The following SCN9A variants were observed in gnomAD, a reference collection of about 807,000 sequenced individuals.
SCN9A encodes the protein sodium channel protein type 9 subunit alpha.
In SCN9A, 131 loss-of-function variants were observed where a neutral mutation model predicts 187.0. The ratio of observed to expected loss-of-function variants is 0.70; its 90% CI spans 0.61 to 0.81. The LOEUF is 0.81. Among genes scored for constraint, SCN9A ranks in the 30% least tolerant of loss-of-function variants. The pLI, the probability that SCN9A is intolerant of heterozygous loss-of-function variation, is 0.00. For synonymous variants in SCN9A, 809 were observed against 808.6 expected, an observed-to-expected ratio of 1.00 and a Z score of -0.01; for missense variants, 2,252 against 2,396.6, an observed-to-expected ratio of 0.94 and a Z score of 1.26.
intron 18 of SCN9A, among the ~76,000 whole-genome samples, chr2:166,243,652 G>T (rs943515354): frequency 2.6e-5 from 4 of 151,896 alleles, no homozygotes; most frequent in African/African-American, 9.7e-5. Flanking sequence ...GATGCAAGCA[G>T]AATGTACACA....
intron 7 of SCN9A, among the ~76,000 whole-genome samples, chr2:166,296,659 C>A (rs1485926386): frequency 6.6e-6 from 1 of 152,142 alleles, no homozygotes. Context: ...TCTATTAGCA[C>A]ACTGCTATAC....
At chr2:166,231,548 C>CT (rs57067738) in intron 21 of SCN9A, among the ~76,000 whole-genome samples, 77,858 of 98,950 alleles carry the variant, frequency 0.79, 31,472 homozygotes, top group Middle Eastern at 0.86. Flanking sequence ...CAAGAATTTG[C>CT]TTTTTTTTTT....
chr2:166,332,347 A>G (rs913811132), intron 1 of SCN9A, among the ~76,000 whole-genome samples: 3 of 152,120 alleles, frequency 2.0e-5, no homozygotes, highest in Non-Finnish European at 4.4e-5. Context: ...ACAACTTCCA[A>G]TAAATCTCCA....
chr2:166,218,556 G>A (rs1251093227), intron 24 of SCN9A, among the ~76,000 whole-genome samples: 1 of 151,760 alleles, frequency 6.6e-6, no homozygotes, highest in Non-Finnish European at 1.5e-5. Flanking sequence ...ATTTAGAGTA[G>A]AGGAATAAAT....
chr2:166,232,748 TATATAGAG>T (rs760145779), intron 21 of SCN9A, among the ~76,000 whole-genome samples: 54 of 83,862 alleles, frequency 6.4e-4, no homozygotes, highest in East Asian at 1.7e-3. Flanking sequence ...TATATATATA[TATATAGAG>T]AGAGAGAGAG....
chr2:166,312,949 T>A (rs1699005517), intron 1 of SCN9A, among the ~76,000 whole-genome samples: 1 of 150,586 alleles, frequency 6.6e-6, no homozygotes, highest in African/African-American at 2.4e-5. Context: ...AGATTTAGTA[T>A]AATTCTTAAG....
At chr2:166,299,899 G>T (rs1476219959) in intron 7 of SCN9A, among the ~76,000 whole-genome samples, 1 of 150,810 alleles carries the variant, frequency 6.6e-6, no homozygotes, top group Non-Finnish European at 1.5e-5. Context: ...CACCCATCCA[G>T]TTATTGCAGC....
chr2:166,227,479 G>A (rs1694887558), intron 23 of SCN9A, among the ~76,000 whole-genome samples, 191 bp downstream of exon 23: 1 of 152,128 alleles, frequency 6.6e-6, no homozygotes, highest in African/African-American at 2.4e-5. Context: ...GGATGATATG[G>A]TACAGCTAGA....
rs777551829 is a variant in SCN9A at position 166,277,354 on chromosome 2, A to T, written c.2518-15T>A. 1.9e-6 allele frequency: 3 copies of T among 1,540,326 alleles called. No homozygotes were observed. The highest frequency in any genetic ancestry group is 2.7e-6 in the Non-Finnish European group (3 of 1,120,308). ...AAGACTCGGAGCTAAAAGCAAATAT[A>T]AAGTTTAATGTTAATCACTATGAAA... is the stretch of plus-strand genomic sequence containing the variant. On this transcript the variant is annotated splice_polypyrimidine_tract_variant and intron_variant, in intron 15 of 26. Transcript: ENST00000642356.
chr2:166,199,404 G>T lies in SCN9A; in HGVS notation c.5235C>A (p.Ile1745=), dbSNP rs794727440. The T allele has an allele frequency of 6.2e-7, 1 of 1,614,166 alleles. No individual in the cohort carries two copies. Among genetic ancestry groups the T allele is most frequent in the Non-Finnish European group, 8.5e-7 (1 of 1,180,018 alleles). Residue 1745 remains isoleucine, a synonymous_variant, in exon 27 of 27, where the codon ATC becomes ATA. Transcript: ENST00000642356. ...TGTTCACCACAACCAGGAAGGATAT[G>T]ATGATATAACTAACAAAGTAGAATA... The part of the protein sequence containing the change: ...VGIFYFVSYI[I]ISFLVVVNMY...
intron 1 of SCN9A, among the ~76,000 whole-genome samples, chr2:166,323,558 TA>T (rs1428824522): frequency 6.6e-6 from 1 of 152,018 alleles, no homozygotes; most frequent in Non-Finnish European, 1.5e-5. Flanking sequence ...ACCTAATAAC[TA>T]AAAGGAAAAA....
intron 19 of SCN9A, among the ~76,000 whole-genome samples, chr2:166,238,505 T>A (rs1005624019): frequency 3.3e-5 from 5 of 152,194 alleles, no homozygotes; most frequent in African/African-American, 1.2e-4. Flanking sequence ...AAATTACTTA[T>A]AATCCACAAA....
chr2:166,200,373 C>T (rs1340488722), intron 26 of SCN9A, among the ~76,000 whole-genome samples: 5 of 152,006 alleles, frequency 3.3e-5, no homozygotes, highest in African/African-American at 7.2e-5. Context: ...CTAACATTAC[C>T]ATTGTGACAT....
intron 24 of SCN9A, among the ~76,000 whole-genome samples, chr2:166,213,762 A>AT (rs1016523102): frequency 3.3e-5 from 5 of 152,058 alleles, no homozygotes; most frequent in African/African-American, 9.7e-5. Flanking sequence ...GTTTATGACT[A>AT]TTTTTTCTCT....
At chr2:166,360,219 C>CAAAA (rs1251018524) in intron 1 of SCN9A, among the ~76,000 whole-genome samples, 16 of 23,992 alleles carry the variant, frequency 6.7e-4, no homozygotes, top group South Asian at 1.1e-3. Flanking sequence ...AACTCTGTCT[C>CAAAA]AAAAAAAAAA....
intron 20 of SCN9A, among the ~76,000 whole-genome samples, chr2:166,234,541 G>T (rs74845551): frequency 6.6e-6 from 1 of 152,156 alleles, no homozygotes; most frequent in East Asian, 1.9e-4. Flanking sequence ...CTGATGAAGC[G>T]GGAAGTGTTT....
chr2:166,251,834 G>A lies in SCN9A; in HGVS notation c.3403C>T (p.Pro1135Ser), dbSNP rs184563685. 1.5e-4 allele frequency: 242 copies of A among 1,612,588 alleles called. 1 individual carries two copies. The African/African-American group carries it at 2.2e-3, about 15-fold the overall frequency. ...GCCTCTGCTTCTTCTCCTTCTCCAGGCAAAGGGTTATCAACTGTGCTGCAC... is the reference window on the plus strand; with the variant it reads ...GCCTCTGCTTCTTCTCCTTCTCCAGACAAAGGGTTATCAACTGTGCTGCAC... ...SECSTVDNPL[P>S]GEGEEAEAEP... Residue 1135 changes from proline to serine, a missense_variant, in exon 18 of 27, where the codon CCT (proline) becomes TCT (serine). Around this residue, in one of 7 missense-constraint regions of SCN9A, gnomAD observed 313 missense variants for 295.3 expected, o/e 1.06. Transcript: ENST00000642356.
At chr2:166,361,658 T>C (rs1700289382) in intron 1 of SCN9A, among the ~76,000 whole-genome samples, 1 of 152,000 alleles carries the variant, frequency 6.6e-6, no homozygotes, top group Non-Finnish European at 1.5e-5. Context: ...AATAAAATGA[T>C]CGAAAGTAAG....
chr2:166,272,759 CT>C lies in SCN9A; in HGVS notation c.2990del (p.Lys997ArgfsTer3). 1 of 1,543,380 alleles carries C rather than the reference CT, an allele frequency of 6.5e-7. No homozygotes were observed. The highest frequency in any genetic ancestry group is 8.7e-7 in the Non-Finnish European group (1 of 1,148,882). On this transcript the variant is annotated frameshift_variant, in exon 17 of 27. Coordinates refer to ENST00000642356, the MANE Select transcript of SCN9A (RefSeq NM_001365536.1). LOFTEE classifies it high-confidence loss of function. Reference sequence around the variant, plus strand: ...AGGTTTGTTTCACATAATTTATTCCCTTTTTAATTCTAGTCACTGCAATCTG... The same window carrying C: ...AGGTTTGTTTCACATAATTTATTCCCTTTTAATTCTAGTCACTGCAATCTG... ...NLQIAVTRIK[K>X]GINYVKQTLR...
Sources: allele counts gnomAD v4.1 joint callset (sites outside exome capture counted in the v4.1 genomes callset), GRCh38; gene constraint gnomAD v4.1.1; regional missense constraint gnomAD v4.1.1; transcripts MANE v1.5; gene names NCBI Gene and HGNC (gene_info 2026-07-23, HGNC 2026-07-21).